The following PC variants were observed in gnomAD, a reference collection of about 807,000 sequenced individuals.
PC encodes pyruvate carboxylase, mitochondrial.
PC carries 46 observed loss-of-function variants against 107.8 expected under a neutral mutation model. The observed-to-expected ratio is 0.43, with a 90% CI of 0.34 to 0.55. The LOEUF (loss-of-function observed/expected upper bound fraction) is 0.55. Among genes scored for constraint, PC ranks in the 20% least tolerant of loss-of-function variants. The pLI, the probability that PC is intolerant of heterozygous loss-of-function variation, is 0.04. For missense variants in PC, 1,241 were observed against 1,643.1 expected (o/e 0.76, Z 4.23); for synonymous variants, 662 against 684.7 (o/e 0.97, Z 0.52).
chr11:66,932,018 CAAAAAA>C (rs756391349), intron 3 of PC, among the ~76,000 whole-genome samples: 1 of 59,336 alleles, frequency 1.7e-5, no homozygotes, highest in African/African-American at 5.5e-5. Context: ...GACTCTGTCT[CAAAAAA>C]AAAAAAAAAA....
At chr11:66,867,620 CAG>C (rs1565239619) in intron 10 of PC, among the ~76,000 whole-genome samples, 1 of 152,178 alleles carries the variant, frequency 6.6e-6, no homozygotes, top group Non-Finnish European at 1.5e-5. Context: ...GCTCGAGGGT[CAG>C]AGAGGTTGGA....
intron 9 of PC, among the ~76,000 whole-genome samples, chr11:66,869,480 A>G (rs913241231): frequency 6.6e-6 from 1 of 152,022 alleles, no homozygotes; most frequent in African/African-American, 2.4e-5. Flanking sequence ...CCCTAATTCC[A>G]GTTTCACTTT....
intron 3 of PC, among the ~76,000 whole-genome samples, chr11:66,883,237 C>G (rs2135987376): frequency 6.6e-6 from 1 of 152,288 alleles, no homozygotes; most frequent in South Asian, 2.1e-4. Context: ...CAAAGGGGGT[C>G]TCAGAGAAAG....
Position 66,877,534 on chromosome 11 carries a change from C to CA in PC, c.1-5376dup, listed in dbSNP as rs994542892. The stretch of plus-strand genomic sequence containing the variant: ...GAAACCCCATCTCTACTAAAAAATA[C>CA]AAAAAAATTAGCTAGGCATGGTGGC... On this transcript the variant is annotated intron_variant, in intron 3 of 22. Coordinates refer to ENST00000393960, the MANE Select transcript of PC (RefSeq NM_001040716.2). Among the ~76,000 whole-genome samples the CA allele has an allele frequency of 1.3e-5, 2 of 152,104 alleles. 1 individual carries two copies. The highest frequency in any genetic ancestry group is 3.9e-4 in the East Asian group (2 of 5,182).
chr11:66,943,698 G>A (rs1222647190), intron 3 of PC, among the ~76,000 whole-genome samples: 2 of 141,328 alleles, frequency 1.4e-5, no homozygotes, highest in Non-Finnish European at 3.1e-5. Flanking sequence ...GGAGCTTGTG[G>A]TGAGCAGAGA....
chr11:66,854,510 G>T (rs901549218), intron 12 of PC, among the ~76,000 whole-genome samples: 2 of 152,188 alleles, frequency 1.3e-5, no homozygotes, highest in Non-Finnish European at 2.9e-5. Context: ...TAAATGCCTG[G>T]GTGACAACAT....
intron 12 of PC, chr11:66,860,575 G>A (rs1289747562): frequency 4.3e-6 from 3 of 701,518 alleles, no homozygotes; most frequent in Non-Finnish European, 7.8e-6. Context: ...ACCAGGGCCG[G>A]TGGGGGCAGT....
chr11:66,859,032 G>A (rs188956583), intron 12 of PC: 76 of 1,508,340 alleles, frequency 5.0e-5, no homozygotes, highest in African/African-American at 2.2e-4. Flanking sequence ...GCGGCCAGCC[G>A]ACCCAGTGTG....
At chr11:66,873,524 ATT>A (rs1555028674) in intron 3 of PC, among the ~76,000 whole-genome samples, 19 of 93,434 alleles carry the variant, frequency 2.0e-4, no homozygotes, top group African/African-American at 6.2e-4. Flanking sequence ...TATATTATAT[ATT>A]ATAATATATA....
intron 3 of PC, among the ~76,000 whole-genome samples, chr11:66,927,980 T>C: frequency 6.6e-6 from 1 of 152,090 alleles, no homozygotes; most frequent in East Asian, 1.9e-4. Context: ...AACATAACAC[T>C]ATACATCTGC....
intron 3 of PC, among the ~76,000 whole-genome samples, chr11:66,905,162 A>G (rs1406940306): frequency 6.6e-6 from 1 of 152,266 alleles, no homozygotes; most frequent in East Asian, 1.9e-4. Flanking sequence ...TCTGCTGACG[A>G]GGCAAGACTG....
chr11:66,872,208 C>A, intron 3 of PC, 49 bp from the exon 4 acceptor site: 1 of 1,555,572 alleles, frequency 6.4e-7, no homozygotes, highest in Non-Finnish European at 8.7e-7. Flanking sequence ...AGCACTGAGG[C>A]TCCTCAGAAT....
chr11:66,934,731 A>T (rs1948950670), intron 3 of PC, among the ~76,000 whole-genome samples: 1 of 152,148 alleles, frequency 6.6e-6, no homozygotes, highest in South Asian at 2.1e-4. Flanking sequence ...TCCTGGGTTC[A>T]AGTGATTTTC....
At position 66,866,420 on chromosome 11, in the gene PC, G is replaced by A. The variant is rs1282112244; in HGVS notation, c.1023-71C>T. 1 of 1,150,256 alleles carries A rather than the reference G, an allele frequency of 8.7e-7. No individual in the cohort carries two copies. The highest frequency in any genetic ancestry group is 1.3e-6 in the Non-Finnish European group (1 of 788,130). 71.3% of individuals were successfully genotyped at this position (1,150,256 alleles called of 1,614,324 possible). Reference sequence around the variant, plus strand: ...AAACATGAGGCGGGGGATAGACGAGGGGCACCGCAGCCAGTGGGGCGTCCA... The same window carrying A: ...AAACATGAGGCGGGGGATAGACGAGAGGCACCGCAGCCAGTGGGGCGTCCA... On this transcript the variant is annotated intron_variant, in intron 10 of 22. Coordinates refer to ENST00000393960, the MANE Select transcript of PC (RefSeq NM_001040716.2). This position sits in a 1 kb window ranked among gnomAD's most constrained non-coding sequence, Gnocchi z 5.4.
intron 3 of PC, among the ~76,000 whole-genome samples, chr11:66,900,850 T>C (rs568923239): frequency 1.5e-3 from 232 of 152,362 alleles, no homozygotes; most frequent in Non-Finnish European, 2.4e-3. Flanking sequence ...TCCTGCAACC[T>C]TGCTGAACTC....
chr11:66,896,218 A>G (rs1165398098), intron 3 of PC, among the ~76,000 whole-genome samples: 3 of 152,150 alleles, frequency 2.0e-5, no homozygotes, highest in Admixed American at 6.6e-5. Context: ...AGCTGGGATT[A>G]CAGACATGTG....
chr11:66,869,264 GC>G (rs1946627011), intron 9 of PC, among the ~76,000 whole-genome samples: 1 of 151,860 alleles, frequency 6.6e-6, no homozygotes, highest in South Asian at 2.1e-4. Flanking sequence ...TCGGCACCTT[GC>G]CCTGCTGCCT....
intron 3 of PC, among the ~76,000 whole-genome samples, chr11:66,886,083 G>A (rs889545278): frequency 2.2e-4 from 33 of 152,302 alleles, no homozygotes; most frequent in Middle Eastern, 6.8e-3. Flanking sequence ...GAGATGAGAA[G>A]TGAAGGATGA....
intron 2 of PC, among the ~76,000 whole-genome samples, chr11:66,953,851 C>T (rs897710105): frequency 2.6e-5 from 4 of 152,162 alleles, no homozygotes; most frequent in Admixed American, 2.0e-4. Flanking sequence ...GTTATTTCAC[C>T]TCTCTGAGTT....
Sources: gnomAD v4.1 joint callset for allele counts (sites outside exome capture counted in the v4.1 genomes callset) on GRCh38, gnomAD v4.1.1 for gene constraint, Gnocchi (gnomAD v3.1) non-coding constraint, MANE v1.5 for transcripts, NCBI Gene and HGNC (gene_info 2026-07-23, HGNC 2026-07-21) for gene names.